Variants in JAM3 observed in about 807,000 individuals in gnomAD.
JAM3 encodes the protein junctional adhesion molecule 3.
In JAM3, 31 loss-of-function variants were observed where a neutral mutation model predicts 39.4. The observed-to-expected ratio is 0.79, with a 90% CI of 0.59 to 1.06. JAM3 has a LOEUF of 1.06. JAM3 is among the 50% of genes least tolerant of loss of function. JAM3 has a pLI of 0.00. For missense variants in JAM3, 455 were observed against 391.4 expected (o/e 1.16, Z -1.37); for synonymous variants, 182 against 148.7 (o/e 1.22, Z -1.63).
At chr11:134,141,381 C>T (rs1942969579) in intron 3 of JAM3, among the ~76,000 whole-genome samples, 1 of 151,998 alleles carries the variant, frequency 6.6e-6, no homozygotes, top group East Asian at 1.9e-4. Flanking sequence ...GCAGAAGCAA[C>T]AGACGGACTG....
At chr11:134,114,984 C>T (rs1565493775) in intron 1 of JAM3, among the ~76,000 whole-genome samples, 1 of 152,162 alleles carries the variant, frequency 6.6e-6, no homozygotes, top group Non-Finnish European at 1.5e-5. Context: ...TTTCTCCTTG[C>T]AGTTCTTTTC....
In JAM3 at chr11:134,151,297, G is replaced by A. The variant is rs187712551; in HGVS notation, c.*2116G>A. 12 of 152,254 alleles carry A rather than the reference G, an allele frequency of 7.9e-5. No individual in the cohort carries two copies. The highest frequency in any genetic ancestry group is 1.6e-4 in the Non-Finnish European group (11 of 68,064). 9.4% of individuals were successfully genotyped at this position (152,254 alleles called of 1,614,324 possible). A position where few individuals can be genotyped will look rare whatever the true frequency, so the allele number is the denominator to read the frequency against. ...CAGGAAATGCTCCAGCAGTGGCTCA[G>A]TGCTCCCTGGTGTCTGCTGCATGGC... On this transcript the variant is annotated 3_prime_UTR_variant, in exon 9 of 9. Transcript: ENST00000299106.
At chr11:134,085,829 G>A (rs1287821065) in intron 1 of JAM3, among the ~76,000 whole-genome samples, 1 of 152,188 alleles carries the variant, frequency 6.6e-6, no homozygotes, top group Non-Finnish European at 1.5e-5. Flanking sequence ...AAGGAGGTGA[G>A]TTTCTATTCT....
chr11:134,136,996 C>G (rs1477676667), intron 1 of JAM3, among the ~76,000 whole-genome samples: 1 of 151,786 alleles, frequency 6.6e-6, no homozygotes, highest in Non-Finnish European at 1.5e-5. Context: ...GCCTGTAGTC[C>G]CAGCTACTTG....
At chr11:134,113,381 C>A (rs955678749) in intron 1 of JAM3, among the ~76,000 whole-genome samples, 3 of 152,112 alleles carry the variant, frequency 2.0e-5, no homozygotes, top group Admixed American at 2.0e-4. Flanking sequence ...TGTGATGTTC[C>A]CCTTCCTGTG....
chr11:134,072,915 GA>G (rs927089826), intron 1 of JAM3, among the ~76,000 whole-genome samples: 24 of 151,134 alleles, frequency 1.6e-4, no homozygotes, highest in South Asian at 1.3e-3. Flanking sequence ...CGTCTTGGGG[GA>G]AAAAAAAAGA....
chr11:134,097,641 T>A (rs146623839), intron 1 of JAM3, among the ~76,000 whole-genome samples: 1 of 152,302 alleles, frequency 6.6e-6, no homozygotes, highest in East Asian at 1.9e-4. Flanking sequence ...AAAATTCAAG[T>A]TGCAAAGCAT....
At chr11:134,082,290 A>T (rs1413693774) in intron 1 of JAM3, among the ~76,000 whole-genome samples, 3 of 152,170 alleles carry the variant, frequency 2.0e-5, no homozygotes, top group African/African-American at 4.8e-5. Flanking sequence ...TGGACTGTGG[A>T]CTTTTGAGTT....
At chr11:134,117,467 G>A (rs934776195) in intron 1 of JAM3, among the ~76,000 whole-genome samples, 2 of 152,222 alleles carry the variant, frequency 1.3e-5, no homozygotes, top group Non-Finnish European at 2.9e-5. Flanking sequence ...TTGGTAGTTT[G>A]CAGTCTGTTC....
In JAM3 at chr11:134,113,199, G is replaced by GTT. The variant is rs202003305; in HGVS notation, c.77-26639_77-26638dup. Reference sequence around the variant, plus strand: ...GTGGGTTCTGGGACTGGACTGTCTGGTTTTTTTTTTTTTTAATACTTTAAG... The same window carrying GTT: ...GTGGGTTCTGGGACTGGACTGTCTGGTTTTTTTTTTTTTTTTAATACTTTAAG... On this transcript the variant is annotated intron_variant, in intron 1 of 8. Coordinates refer to ENST00000299106, the MANE Select transcript of JAM3 (RefSeq NM_032801.5). Among the ~76,000 whole-genome samples, 506 of 144,888 alleles carry GTT rather than the reference G, an allele frequency of 3.5e-3. 3 individuals carry two copies. Among genetic ancestry groups the GTT allele is most frequent in the African/African-American group, 0.01 (410 of 39,984 alleles).
At chr11:134,122,286 G>A (rs1218695268) in intron 1 of JAM3, among the ~76,000 whole-genome samples, 1 of 152,190 alleles carries the variant, frequency 6.6e-6, no homozygotes, top group African/African-American at 2.4e-5. Context: ...GCAAATTCCA[G>A]CAAGATAAGA....
intron 1 of JAM3, among the ~76,000 whole-genome samples, chr11:134,125,003 C>T (rs1015348863): frequency 3.9e-5 from 6 of 152,198 alleles, no homozygotes; most frequent in Non-Finnish European, 8.8e-5. Flanking sequence ...ACCCCCCAGC[C>T]TCAGCGCGCG....
chr11:134,134,003 T>C (rs1942815463), intron 1 of JAM3, among the ~76,000 whole-genome samples: 1 of 145,932 alleles, frequency 6.9e-6, no homozygotes, highest in African/African-American at 2.8e-5. Flanking sequence ...ATGGGAAAAG[T>C]AGATAACATA....
chr11:134,124,369 G>T (rs1172186329), intron 1 of JAM3: 7 of 667,530 alleles, frequency 1.0e-5, no homozygotes, highest in Non-Finnish European at 1.9e-5. Flanking sequence ...GAGTGTGATG[G>T]GAAAAGTGAA....
chr11:134,071,252 ATTG>A (rs1218119145), intron 1 of JAM3, among the ~76,000 whole-genome samples: 4 of 152,306 alleles, frequency 2.6e-5, no homozygotes, highest in African/African-American at 7.2e-5. Context: ...AGTCGTTACT[ATTG>A]TTGTGCCCTT....
At chr11:134,073,033 T>C (rs1474530635) in intron 1 of JAM3, among the ~76,000 whole-genome samples, 1 of 152,238 alleles carries the variant, frequency 6.6e-6, no homozygotes, top group Non-Finnish European at 1.5e-5. Context: ...ATAGCTTCAC[T>C]GGAGTGTAAA....
At chr11:134,128,825 A>G (rs892820544) in intron 1 of JAM3, among the ~76,000 whole-genome samples, 1 of 152,236 alleles carries the variant, frequency 6.6e-6, no homozygotes. Context: ...AAATGGACTA[A>G]TATATTGGAA....
intron 1 of JAM3, among the ~76,000 whole-genome samples, chr11:134,136,176 A>G (rs1289621782): frequency 6.6e-6 from 1 of 152,238 alleles, no homozygotes; most frequent in Non-Finnish European, 1.5e-5. Flanking sequence ...CATTTGACAA[A>G]TTAGCAGTTT....
At chr11:134,143,377 T>C (rs1285364156) in intron 3 of JAM3, among the ~76,000 whole-genome samples, 3 of 152,220 alleles carry the variant, frequency 2.0e-5, no homozygotes, top group Non-Finnish European at 4.4e-5. Context: ...GAGAAATGTC[T>C]GTTCAAATTT....
Sources: allele counts gnomAD v4.1 joint callset (sites outside exome capture counted in the v4.1 genomes callset), GRCh38; gene constraint gnomAD v4.1.1; transcripts MANE v1.5; gene names NCBI Gene and HGNC (gene_info 2026-07-23, HGNC 2026-07-21).